Variants in BRI3 observed in about 807,000 individuals in gnomAD.
BRI3 encodes brain protein I3.
In BRI3, 6 loss-of-function variants were observed where a neutral mutation model predicts 12.8. The observed-to-expected ratio is 0.47, with a 90% CI of 0.26 to 0.93. The LOEUF is 0.93. BRI3 is among the 40% of genes least tolerant of loss of function. The pLI is 0.15. For missense variants in BRI3, 134 were observed against 171.1 expected (o/e 0.78, Z 1.21); for synonymous variants, 91 against 76.1 (o/e 1.20, Z -1.02).
At chr7:98,312,104 C>T (rs1412948506), downstream of BRI3, 2 of 1,596,830 alleles carry the variant, frequency 1.3e-6, no homozygotes, top group East Asian at 2.2e-5. Flanking sequence ...TACCACATTG[C>T]TTCTCTCGAT....
chr7:98,307,870 G>C (rs1385972037), exon 2 of BRI3: 37 of 1,614,192 alleles, frequency 2.3e-5, no homozygotes, highest in Non-Finnish European at 3.0e-5. Context: ...GAAACTGATC[G>C]CTGTAAACTG....
At chr7:98,311,647 C>T (rs1441763594), downstream of BRI3, among the ~76,000 whole-genome samples, 1 of 151,942 alleles carries the variant, frequency 6.6e-6, no homozygotes, top group African/African-American at 2.4e-5. Flanking sequence ...GTGGCTCATG[C>T]CTGTAATCCC....
chr7:98,295,495 G>A (rs1199336530), downstream of BRI3, among the ~76,000 whole-genome samples: 2 of 152,192 alleles, frequency 1.3e-5, no homozygotes, highest in Non-Finnish European at 2.9e-5. Context: ...CATGCTCTGC[G>A]ATTATGATGG....
intron 2 of BRI3, among the ~76,000 whole-genome samples, chr7:98,287,470 A>G (rs1173505486): frequency 6.6e-6 from 1 of 152,118 alleles, no homozygotes; most frequent in Non-Finnish European, 1.5e-5. Context: ...TCAGCACATT[A>G]GGTTTGGCCC....
the BRI3 span, chr7:98,320,050 G>A: frequency 3.1e-6 from 5 of 1,610,062 alleles, no homozygotes; most frequent in Non-Finnish European, 2.5e-6. Flanking sequence ...GGAAAACCAT[G>A]CACTTACGTT....
At chr7:98,297,168 G>A (rs1436713263), downstream of BRI3, among the ~76,000 whole-genome samples, 1 of 152,228 alleles carries the variant, frequency 6.6e-6, no homozygotes, top group African/African-American at 2.4e-5. Flanking sequence ...ACTGCGGCCA[G>A]GGTGGACACA....
chr7:98,290,583 C>T (rs1479699635), intron 2 of BRI3, among the ~76,000 whole-genome samples: 1 of 152,174 alleles, frequency 6.6e-6, no homozygotes, highest in Non-Finnish European at 1.5e-5. Flanking sequence ...ACTGCAACCT[C>T]TGCCTCCTGG....
At chr7:98,294,053 C>T (rs751704840), downstream of BRI3, 3 of 1,613,230 alleles carry the variant, frequency 1.9e-6, no homozygotes, top group South Asian at 1.1e-5. Context: ...CACTGAGGCT[C>T]ACGTAGGAAG....
upstream of BRI3, among the ~76,000 whole-genome samples, chr7:98,302,305 A>C (rs1228357633): frequency 1.3e-5 from 2 of 152,214 alleles, no homozygotes; most frequent in Admixed American, 1.3e-4. Context: ...AAGACTATCC[A>C]GGGTTGGCCA....
intron 2 of BRI3, among the ~76,000 whole-genome samples, chr7:98,290,799 C>T (rs1366377271): frequency 2.6e-4 from 39 of 152,258 alleles, no homozygotes; most frequent in Admixed American, 2.5e-3. Context: ...ACACACCCTG[C>T]CTTGCCTTTC....
downstream of BRI3, among the ~76,000 whole-genome samples, chr7:98,295,420 C>A (rs776769103): frequency 2.6e-5 from 4 of 152,238 alleles, no homozygotes; most frequent in Admixed American, 6.5e-5. Context: ...GCAAAAGTGA[C>A]TTCCTGCGGG....
chr7:98,316,897 T>C, the BRI3 span, among the ~76,000 whole-genome samples: 1 of 152,052 alleles, frequency 6.6e-6, no homozygotes, highest in East Asian at 1.9e-4. Flanking sequence ...GGAGTCTCAT[T>C]CTGTCACCCA....
chr7:98,312,134 G>C (rs768070618), downstream of BRI3: 1 of 1,613,494 alleles, frequency 6.2e-7, no homozygotes, highest in Non-Finnish European at 8.5e-7. Context: ...AGCCTGAGGA[G>C]TTCCAGACAC....
At chr7:98,315,628 T>A in the BRI3 span, 997 of 935,432 alleles carry the variant, frequency 1.1e-3, 1 homozygote, top group East Asian at 7.6e-3. Flanking sequence ...AAAAAAAAAA[T>A]AATAATAATA....
At chr7:98,316,040 G>C in the BRI3 span, among the ~76,000 whole-genome samples, 1 of 152,168 alleles carries the variant, frequency 6.6e-6, no homozygotes, top group Non-Finnish European at 1.5e-5. Context: ...CTATGTGTTT[G>C]GGGAGGGACC....
chr7:98,287,500 C>T (rs567955608), intron 2 of BRI3, among the ~76,000 whole-genome samples: 4 of 152,140 alleles, frequency 2.6e-5, no homozygotes, highest in Non-Finnish European at 4.4e-5. Flanking sequence ...CTTGCAGCCC[C>T]GGGGCTGGGA....
At chr7:98,285,714 G>A (rs1799689509) in intron 2 of BRI3, among the ~76,000 whole-genome samples, 1 of 152,196 alleles carries the variant, frequency 6.6e-6, no homozygotes, top group African/African-American at 2.4e-5. Context: ...TTCCACAGGG[G>A]AGGCGAGGGC....
chr7:98,305,422 A>G (rs1800617310), upstream of BRI3, among the ~76,000 whole-genome samples: 2 of 151,998 alleles, frequency 1.3e-5, no homozygotes, highest in Admixed American at 6.6e-5. Flanking sequence ...TCTGCTAGGG[A>G]TGAAGATTGC....
chr7:98,297,200 G>GCAAGAATC (rs1423476909), downstream of BRI3, among the ~76,000 whole-genome samples: 2 of 152,208 alleles, frequency 1.3e-5, no homozygotes, highest in African/African-American at 4.8e-5. Flanking sequence ...CCCATCTCCC[G>GCAAGAATC]CAAGAATCCA....
Sources: gnomAD v4.1 joint callset for allele counts (sites outside exome capture counted in the v4.1 genomes callset) on GRCh38, gnomAD v4.1.1 for gene constraint, MANE v1.5 for transcripts, NCBI Gene and HGNC (gene_info 2026-07-23, HGNC 2026-07-21) for gene names.